MIGA1: variants seen among roughly 807,000 people sequenced by gnomAD.
MIGA1 encodes the protein family with sequence similarity 73, member A.
MIGA1 carries 58 observed loss-of-function variants against 82.0 expected under a neutral mutation model. That is an observed-to-expected ratio of 0.71 (90% CI 0.57 to 0.88). The LOEUF (loss-of-function observed/expected upper bound fraction) is 0.88. Ranked by LOEUF, MIGA1 falls within the 40% of genes least tolerant of loss-of-function variation. The pLI is 0.00. For missense variants in MIGA1, 751 were observed against 749.1 expected (o/e 1.00, Z -0.03); for synonymous variants, 249 against 253.6 (o/e 0.98, Z 0.17).
intron 2 of MIGA1, among the ~76,000 whole-genome samples, chr1:77,788,359 G>A (rs1254893740): frequency 3.9e-5 from 6 of 152,066 alleles, no homozygotes; most frequent in Admixed American, 2.0e-4. Flanking sequence ...GGCTGGTCTC[G>A]AACTCCTGAC....
At chr1:77,802,921 CT>C (rs949743241) in intron 3 of MIGA1, among the ~76,000 whole-genome samples, 19 of 152,154 alleles carry the variant, frequency 1.2e-4, no homozygotes, top group African/African-American at 4.3e-4. Flanking sequence ...AAGGAAATGC[CT>C]GTATTTTGTT....
At chr1:77,850,196 G>C (rs1684994818) in intron 8 of MIGA1, among the ~76,000 whole-genome samples, 1 of 152,158 alleles carries the variant, frequency 6.6e-6, no homozygotes, top group Non-Finnish European at 1.5e-5. Context: ...TATCTTTACA[G>C]CATGGCACCT....
chr1:77,835,421 T>C (rs1218614957), intron 7 of MIGA1, among the ~76,000 whole-genome samples: 1 of 152,204 alleles, frequency 6.6e-6, no homozygotes, highest in Non-Finnish European at 1.5e-5. Context: ...TTTTTAATTA[T>C]AGATTTACTT....
At chr1:77,799,700 T>G in intron 2 of MIGA1, among the ~76,000 whole-genome samples, 1 of 152,150 alleles carries the variant, frequency 6.6e-6, no homozygotes, top group South Asian at 2.1e-4. Flanking sequence ...TTTTGTCCTT[T>G]GTGGTCATAG....
At chr1:77,782,055 T>C (rs370372690) in intron 1 of MIGA1, among the ~76,000 whole-genome samples, 1 of 151,502 alleles carries the variant, frequency 6.6e-6, no homozygotes, top group South Asian at 2.1e-4. Flanking sequence ...AACTCCTGGG[T>C]TCATGGACTC....
At chr1:77,864,446 C>T (rs1009946652) in intron 13 of MIGA1, among the ~76,000 whole-genome samples, 3 of 151,786 alleles carry the variant, frequency 2.0e-5, no homozygotes, top group African/African-American at 7.3e-5. Flanking sequence ...GAGGCTGAGG[C>T]AAGTGGATCA....
chr1:77,862,706 C>T (rs576962698), intron 12 of MIGA1, among the ~76,000 whole-genome samples: 5 of 149,808 alleles, frequency 3.3e-5, no homozygotes, highest in South Asian at 2.1e-4. Flanking sequence ...TTTGGGAGGC[C>T]GAGGCGGGCA....
rs532940969 is a variant in MIGA1 at position 77,867,121 on chromosome 1, C to T, written c.1563+730C>T. On this transcript the variant is annotated intron_variant, in intron 14 of 15. Transcript: ENST00000370791. ...TCTCAGAGTTTATATCCTGCCTTCA[C>T]GCCTCACACCCTGTAACCTGTCTTA... Among the ~76,000 whole-genome samples, 19 of 152,262 alleles carry T rather than the reference C, an allele frequency of 1.2e-4. No homozygotes were observed. In the East Asian group the frequency reaches 3.3e-3, roughly 26 times the overall value.
At chr1:77,874,779 TATTA>T in intron 15 of MIGA1, 63 bp from the exon 16 acceptor site, 1 of 1,095,426 alleles carries the variant, frequency 9.1e-7, no homozygotes, top group Non-Finnish European at 1.4e-6. Flanking sequence ...CTCATTATAA[TATTA>T]GAAGCTTTCT....
Position 77,879,528 on chromosome 1 carries a change from A to G in MIGA1, c.*4464A>G, listed in dbSNP as rs1406704275. On this transcript the variant is annotated 3_prime_UTR_variant, in exon 16 of 16. Transcript: ENST00000370791. ...ATGTATTACTATTACTGCCAAATAA[A>G]AAAGTGATGGTACGTCTTGCTGATG... The G allele has an allele frequency of 6.6e-6, 1 of 152,190 alleles. No homozygotes were observed. The highest frequency in any genetic ancestry group is 1.5e-5 in the Non-Finnish European group (1 of 68,034). 9.4% of individuals were successfully genotyped at this position (152,190 alleles called of 1,614,324 possible). A position where few individuals can be genotyped will look rare whatever the true frequency, so the allele number is the denominator to read the frequency against.
intron 2 of MIGA1, among the ~76,000 whole-genome samples, chr1:77,784,302 G>A (rs1682051866): frequency 6.6e-6 from 1 of 151,998 alleles, no homozygotes; most frequent in Non-Finnish European, 1.5e-5. Context: ...ATAGCTCACT[G>A]CAGCCTCAAA....
intron 8 of MIGA1, chr1:77,848,008 C>T: frequency 8.1e-7 from 1 of 1,238,832 alleles, no homozygotes; most frequent in Non-Finnish European, 1.2e-6. Flanking sequence ...TCTCAGTCAC[C>T]TAGTGAAGAA....
intron 7 of MIGA1, among the ~76,000 whole-genome samples, chr1:77,830,586 C>G (rs778436767): frequency 3.9e-5 from 6 of 152,036 alleles, no homozygotes; most frequent in Non-Finnish European, 7.4e-5. Flanking sequence ...TTCCGCACCC[C>G]CCTCCCCGCA....
intron 2 of MIGA1, 98 bp downstream of exon 2, chr1:77,783,449 G>T (rs577542708): frequency 5.1e-6 from 3 of 585,430 alleles, no homozygotes; most frequent in Non-Finnish European, 8.3e-6. Context: ...TTTCTATATA[G>T]TACAGTCAAA....
chr1:77,780,466 A>G (rs1681857441), intron 1 of MIGA1, among the ~76,000 whole-genome samples: 1 of 152,214 alleles, frequency 6.6e-6, no homozygotes, highest in Non-Finnish European at 1.5e-5. Flanking sequence ...TGCTCTGTTC[A>G]AAGTGTCAGA....
At chr1:77,863,711 C>T (rs1475033048) in intron 12 of MIGA1, among the ~76,000 whole-genome samples, 183 bp from the exon 13 acceptor site, 2 of 152,020 alleles carry the variant, frequency 1.3e-5, no homozygotes, top group African/African-American at 2.4e-5. Flanking sequence ...GAAGGAGCAG[C>T]GATAATGTGA....
chr1:77,783,125 A>G (rs1681998510), intron 1 of MIGA1, 113 bp from the exon 2 acceptor site: 1 of 648,826 alleles, frequency 1.5e-6, no homozygotes, highest in African/African-American at 1.8e-5. Flanking sequence ...AATGTCATCA[A>G]TAATTGACTG....
At chr1:77,805,762 A>G (rs1445672045) in intron 4 of MIGA1, among the ~76,000 whole-genome samples, 7 of 151,636 alleles carry the variant, frequency 4.6e-5, no homozygotes, top group Non-Finnish European at 1.0e-4. Context: ...ACCTCAAGTG[A>G]TCTGCCCGTT....
chr1:77,863,665 A>T (rs12027558), intron 12 of MIGA1, among the ~76,000 whole-genome samples: 6,633 of 152,316 alleles, frequency 0.044, 257 homozygotes, highest in East Asian at 0.21. Context: ...CTCCTAGAAT[A>T]GAGAGGAGGA....
Sources: allele counts gnomAD v4.1 joint callset (sites outside exome capture counted in the v4.1 genomes callset), GRCh38; gene constraint gnomAD v4.1.1; transcripts MANE v1.5; gene names NCBI Gene and HGNC (gene_info 2026-07-23, HGNC 2026-07-21).